CMC1: variants seen among roughly 807,000 people sequenced by gnomAD.
The protein encoded by CMC1 is COX assembly mitochondrial protein homolog.
CMC1 carries 14 observed loss-of-function variants against 14.1 expected under a neutral mutation model. The ratio of observed to expected loss-of-function variants is 0.99; its 90% confidence interval spans 0.66 to 1.55. The LOEUF is 1.55. Ranked by LOEUF, CMC1 falls within the 40% of genes most tolerant of loss-of-function variation. The pLI, the probability that CMC1 is intolerant of heterozygous loss-of-function variation, is 0.00. For synonymous variants in CMC1, 50 were observed against 38.4 expected (o/e 1.30, Z -1.12); for missense variants, 127 against 123.8 (o/e 1.03, Z -0.12).
chr3:28,255,901 CA>C (rs1234513815), intron 1 of CMC1, among the ~76,000 whole-genome samples: 5 of 151,980 alleles, frequency 3.3e-5, no homozygotes, highest in African/African-American at 1.2e-4. Flanking sequence ...ACCTTCATAT[CA>C]TTTTTTTGTT....
intron 1 of CMC1, among the ~76,000 whole-genome samples, chr3:28,247,789 C>T (rs1378064963): frequency 6.6e-6 from 1 of 152,052 alleles, no homozygotes; most frequent in Admixed American, 6.6e-5. Context: ...TAAAGTGTCA[C>T]AGGTTGTGGT....
chr3:28,312,262 A>G (rs1034496898), intron 2 of CMC1, among the ~76,000 whole-genome samples: 3 of 152,230 alleles, frequency 2.0e-5, no homozygotes, highest in Admixed American at 2.0e-4. Context: ...AAAGTTAGGA[A>G]TAAGTGCTGT....
At chr3:28,263,941 A>C (rs1699863456) in intron 2 of CMC1, among the ~76,000 whole-genome samples, 2 of 152,172 alleles carry the variant, frequency 1.3e-5, no homozygotes, top group African/African-American at 2.4e-5. Flanking sequence ...AAAATGTTTT[A>C]ACATGAAATA....
chr3:28,259,752 A>C (rs572640379), intron 1 of CMC1, among the ~76,000 whole-genome samples: 45 of 152,266 alleles, frequency 3.0e-4, no homozygotes, highest in Non-Finnish European at 5.0e-4. Context: ...GTGACATCTT[A>C]TATATCTGTA....
At chr3:28,254,216 A>G (rs567473858) in intron 1 of CMC1, among the ~76,000 whole-genome samples, 3 of 152,356 alleles carry the variant, frequency 2.0e-5, no homozygotes, top group Middle Eastern at 6.8e-3. Context: ...GTACAAATGT[A>G]TAACATATAT....
In CMC1 at chr3:28,320,309, G is replaced by GT. The variant is rs1326739820; in HGVS notation, c.*682dup. The GT allele has an allele frequency of 6.6e-6, 1 of 151,574 alleles. No homozygotes were observed. 9.4% of individuals were successfully genotyped at this position (151,574 alleles called of 1,614,324 possible). On this transcript the variant is annotated 3_prime_UTR_variant, in exon 4 of 4. Transcript: ENST00000466830. ...ATAAGAAAAGTTTGTTTGGCTCACA[G>GT]TTCTGGAGTTTATTTGCCAGCAGCT... is the stretch of plus-strand genomic sequence containing the variant.
intron 1 of CMC1, among the ~76,000 whole-genome samples, chr3:28,256,162 G>GGT (rs1699394271): frequency 6.6e-6 from 1 of 150,524 alleles, no homozygotes; most frequent in Non-Finnish European, 1.5e-5. Flanking sequence ...TCTTAAGATG[G>GGT]GTATATATAT....
intron 2 of CMC1, among the ~76,000 whole-genome samples, chr3:28,298,057 C>G (rs1983267): frequency 6.6e-6 from 1 of 151,842 alleles, no homozygotes; most frequent in African/African-American, 2.4e-5. Flanking sequence ...AAAGAATATT[C>G]TTTTGTGTTT....
At chr3:28,271,104 A>AT (rs1298967231) in intron 2 of CMC1, among the ~76,000 whole-genome samples, 2 of 149,964 alleles carry the variant, frequency 1.3e-5, no homozygotes, top group East Asian at 2.0e-4. Context: ...CCGAGTTAAT[A>AT]TTTTTTTGTT....
intron 2 of CMC1, among the ~76,000 whole-genome samples, chr3:28,276,874 G>T (rs747590099): frequency 6.6e-6 from 1 of 152,138 alleles, no homozygotes; most frequent in Non-Finnish European, 1.5e-5. Context: ...CGTTTTTGAG[G>T]GTCTGGGGAC....
At chr3:28,278,866 C>T (rs1049804403) in intron 2 of CMC1, among the ~76,000 whole-genome samples, 2 of 152,162 alleles carry the variant, frequency 1.3e-5, no homozygotes, top group Admixed American at 6.5e-5. Flanking sequence ...TACAGTTCAT[C>T]TGTGTCAACT....
At chr3:28,317,480 G>A (rs931430546) in intron 3 of CMC1, 1 of 151,962 alleles carries the variant, frequency 6.6e-6, no homozygotes, top group African/African-American at 2.4e-5. Flanking sequence ...TCCAAGAAAT[G>A]TTTACTGAGT....
At chr3:28,303,338 T>G (rs1034267461) in intron 2 of CMC1, among the ~76,000 whole-genome samples, 6 of 152,174 alleles carry the variant, frequency 3.9e-5, no homozygotes, top group Admixed American at 3.3e-4. Context: ...TATTAATGTA[T>G]TCTTGAATTT....
chr3:28,252,857 G>A (rs1032482097), intron 1 of CMC1, among the ~76,000 whole-genome samples: 1 of 152,186 alleles, frequency 6.6e-6, no homozygotes, highest in African/African-American at 2.4e-5. Flanking sequence ...ACTTACCTGA[G>A]AGAACTGTTA....
At chr3:28,287,896 A>G (rs972885401) in intron 2 of CMC1, among the ~76,000 whole-genome samples, 13 of 152,034 alleles carry the variant, frequency 8.6e-5, no homozygotes, top group African/African-American at 2.9e-4. Context: ...TAAATTGGCT[A>G]TAATATAGCT....
chr3:28,323,988 G>C lies in CMC1; in HGVS notation c.*4359G>C. 2 of 1,502,186 alleles carry C rather than the reference G, an allele frequency of 1.3e-6. No homozygotes were observed. Among genetic ancestry groups the C allele is most frequent in the Non-Finnish European group, 1.8e-6 (2 of 1,113,452 alleles). 93.1% of individuals were successfully genotyped at this position (1,502,186 alleles called of 1,614,324 possible). On this transcript the variant is annotated 3_prime_UTR_variant, in exon 4 of 4. Coordinates refer to ENST00000466830, the MANE Select transcript of CMC1 (RefSeq NM_182523.2). ...CAGTTTGTTAAATAATTTCTTGGGA[G>C]GACCACTGAAAGAGATAAGTGTCCT...
At chr3:28,309,796 C>A (rs1231980481) in intron 2 of CMC1, among the ~76,000 whole-genome samples, 1 of 150,586 alleles carries the variant, frequency 6.6e-6, no homozygotes, top group Non-Finnish European at 1.5e-5. Flanking sequence ...TTGGTACATG[C>A]CTTTTCTCCT....
At chr3:28,263,172 G>A in intron 1 of CMC1, 119 bp from the exon 2 acceptor site, 1 of 675,018 alleles carries the variant, frequency 1.5e-6, no homozygotes, top group East Asian at 3.0e-5. Flanking sequence ...ATTTCATAAG[G>A]TTGTAAGTTT....
chr3:28,320,649 A>G lies in CMC1; in HGVS notation c.*1020A>G, dbSNP rs1703157719. 1 of 111,546 alleles carries G rather than the reference A, an allele frequency of 9.0e-6. No individual in the cohort carries two copies. 6.9% of individuals were successfully genotyped at this position (111,546 alleles called of 1,614,324 possible). ...AATTTTACTTACATCTTTGATGTAG[A>G]ATTTTCTAAAACATAATGTTCTTAA... is the stretch of plus-strand genomic sequence containing the variant. On this transcript the variant is annotated 3_prime_UTR_variant, in exon 4 of 4. Coordinates refer to ENST00000466830, the MANE Select transcript of CMC1 (RefSeq NM_182523.2).
Sources: allele counts gnomAD v4.1 joint callset (sites outside exome capture counted in the v4.1 genomes callset), GRCh38; gene constraint gnomAD v4.1.1; transcripts MANE v1.5; gene names NCBI Gene and HGNC (gene_info 2026-07-23, HGNC 2026-07-21).